The following PPP1R9A variants were observed in gnomAD, a reference collection of about 807,000 sequenced individuals.
PPP1R9A encodes the protein protein phosphatase 1 regulatory subunit 9A.
In PPP1R9A, 59 loss-of-function variants were observed where a neutral mutation model predicts 141.9. The ratio of observed to expected loss-of-function variants is 0.42; its 90% CI spans 0.34 to 0.52. The LOEUF (loss-of-function observed/expected upper bound fraction) is 0.52. PPP1R9A is among the 20% of genes least tolerant of loss of function. PPP1R9A has a pLI of 0.10. For synonymous variants in PPP1R9A, 500 were observed against 569.7 expected (o/e 0.88, Z 1.74); for missense variants, 1,444 against 1,611.9 (o/e 0.90, Z 1.78).
intron 5 of PPP1R9A, among the ~76,000 whole-genome samples, chr7:95,172,522 A>G (rs1185568777): frequency 6.6e-6 from 1 of 151,812 alleles, no homozygotes; most frequent in Non-Finnish European, 1.5e-5. Flanking sequence ...TCAGATTGAA[A>G]ATAACATTGA....
At chr7:95,235,578 G>A (rs1332278879) in intron 8 of PPP1R9A, among the ~76,000 whole-genome samples, 1 of 152,178 alleles carries the variant, frequency 6.6e-6, no homozygotes, top group African/African-American at 2.4e-5. Flanking sequence ...TGGTGGGAAT[G>A]TAAACTAGTA....
Position 95,250,077 on chromosome 7 carries a change from C to T in PPP1R9A, c.2218C>T (p.Leu740Phe), listed in dbSNP as rs770465957. The change falls in exon 10 of 20, where the codon CTC becomes TTC. Residue 740 changes from leucine (L) to phenylalanine (F), a missense_variant. Around this residue, in one of 5 missense-constraint regions of PPP1R9A, gnomAD observed 488 missense variants for 542.0 expected, o/e 0.90. Coordinates refer to ENST00000433360, the MANE Select transcript of PPP1R9A (RefSeq NM_001166160.2). Reference protein sequence around the residue: ...KVRWELEKTQLQQNIEENKER... With the variant: ...KVRWELEKTQFQQNIEENKER... ...GAGGTGGGAACTAGAAAAAACCCAA[C>T]TCCAACAAAACATAGAAGAGAATAA... is the stretch of plus-strand genomic sequence containing the variant. 90 of 1,612,642 alleles carry T rather than the reference C, an allele frequency of 5.6e-5. No individual in the cohort carries two copies. Among genetic ancestry groups the T allele is most frequent in the Non-Finnish European group, 7.5e-5 (89 of 1,179,604 alleles).
At chr7:94,924,167 TGGA>T (rs1388727070) in intron 2 of PPP1R9A, among the ~76,000 whole-genome samples, 1 of 152,202 alleles carries the variant, frequency 6.6e-6, no homozygotes, top group Non-Finnish European at 1.5e-5. Flanking sequence ...AAAAGAAAAT[TGGA>T]GTTCAAGAAA....
chr7:95,274,014 GC>G (rs780122895), intron 15 of PPP1R9A, 28 bp downstream of exon 15: 2 of 1,498,908 alleles, frequency 1.3e-6, no homozygotes, highest in Non-Finnish European at 9.1e-7. Context: ...TAAAAAGAAA[GC>G]CCTCTGTAAA....
At chr7:95,249,108 T>C (rs1274307499) in intron 9 of PPP1R9A, among the ~76,000 whole-genome samples, 1 of 152,128 alleles carries the variant, frequency 6.6e-6, no homozygotes, top group Non-Finnish European at 1.5e-5. Context: ...ATGAGGGTAT[T>C]AGACTAGTTT....
chr7:95,274,059 T>C (rs1233789274), intron 15 of PPP1R9A, 26 bp from the exon 16 acceptor site: 5 of 1,524,812 alleles, frequency 3.3e-6, no homozygotes, highest in African/African-American at 1.4e-5. Flanking sequence ...CAGCTTCCCC[T>C]TTCTGACTGC....
At position 95,229,409 on chromosome 7, in the gene PPP1R9A, G is replaced by A. The variant is rs146574614; in HGVS notation, c.2112+3293G>A. Among the ~76,000 whole-genome samples, 138 of 152,074 alleles carry A rather than the reference G, an allele frequency of 9.1e-4. 1 individual carries two copies. In the East Asian group the frequency reaches 0.022, roughly 24 times the overall value. ...CATAAGCTGCCTGGAAATAGACTTG[G>A]TGCTGTTGTGGAGGGCACGGTGGGA... On this transcript the variant is annotated intron_variant, in intron 8 of 19. Transcript: ENST00000433360.
intron 2 of PPP1R9A, among the ~76,000 whole-genome samples, chr7:94,912,391 A>G (rs1305732317): frequency 6.6e-6 from 1 of 152,172 alleles, no homozygotes; most frequent in Non-Finnish European, 1.5e-5. Flanking sequence ...TTCAAAGTGT[A>G]CTTGCCCACA....
intron 4 of PPP1R9A, among the ~76,000 whole-genome samples, chr7:95,158,750 A>G (rs1830015089): frequency 6.6e-6 from 1 of 152,180 alleles, no homozygotes; most frequent in African/African-American, 2.4e-5. Flanking sequence ...AAGAAAAGTC[A>G]CTCAACCCAA....
rs539866743 is a variant in PPP1R9A at position 95,248,870 on chromosome 7, T to G, written c.2167-1156T>G. Among the ~76,000 whole-genome samples the G allele has an allele frequency of 4.5e-4, 69 of 152,304 alleles. 1 individual carries two copies. In the South Asian group the frequency reaches 0.013, roughly 28 times the overall value. ...TTGTAAACTGTTTTGCAAATGTGTT[T>G]AGTTAAAAATATTTGCAAAAACATA... On this transcript the variant is annotated intron_variant, in intron 9 of 19. Coordinates refer to ENST00000433360, the MANE Select transcript of PPP1R9A (RefSeq NM_001166160.2).
intron 17 of PPP1R9A, among the ~76,000 whole-genome samples, chr7:95,285,963 A>C (rs1563564357): frequency 1.3e-5 from 2 of 152,196 alleles, no homozygotes. Flanking sequence ...ACCCTTGAAG[A>C]GCAATTGAAG....
At chr7:95,039,523 A>C (rs1013767700) in intron 2 of PPP1R9A, among the ~76,000 whole-genome samples, 3 of 151,260 alleles carry the variant, frequency 2.0e-5, no homozygotes, top group Admixed American at 6.6e-5. Context: ...ATGCCACTGT[A>C]CTCCAGCCTG....
At chr7:95,217,179 C>G (rs1046636417) in intron 7 of PPP1R9A, among the ~76,000 whole-genome samples, 1 of 151,938 alleles carries the variant, frequency 6.6e-6, no homozygotes, top group Non-Finnish European at 1.5e-5. Context: ...TAGCATGAAG[C>G]GCTGTTGAAT....
At chr7:95,007,199 G>A (rs979965198) in intron 2 of PPP1R9A, among the ~76,000 whole-genome samples, 7 of 152,142 alleles carry the variant, frequency 4.6e-5, no homozygotes, top group African/African-American at 1.7e-4. Context: ...AATTTTAGGT[G>A]CCTCATTGGA....
intron 2 of PPP1R9A, among the ~76,000 whole-genome samples, chr7:94,999,824 T>TA (rs890983968): frequency 6.6e-6 from 1 of 151,688 alleles, no homozygotes; most frequent in Non-Finnish European, 1.5e-5. Context: ...TTTATTTAGA[T>TA]AGAGTCTCAC....
At chr7:95,251,904 G>C (rs756397085) in intron 11 of PPP1R9A, 46 bp downstream of exon 11, 3 of 1,608,768 alleles carry the variant, frequency 1.9e-6, no homozygotes, top group Non-Finnish European at 2.5e-6. Flanking sequence ...TGGTTTTGCT[G>C]TACTTGGAGG....
intron 7 of PPP1R9A, among the ~76,000 whole-genome samples, chr7:95,211,845 G>A (rs530214573): frequency 1.4e-3 from 209 of 152,164 alleles, no homozygotes; most frequent in African/African-American, 4.3e-3. Flanking sequence ...GTAAAAGCCC[G>A]GCATGGCATT....
rs532980619 is a variant in PPP1R9A, at chr7:95,254,872, C to T, written c.2665+2742C>T. The stretch of plus-strand genomic sequence containing the variant: ...GAAATTTAGCACAAATTTAAAATTA[C>T]GTTTGACCACCATTTGTATGTTTCT... On this transcript the variant is annotated intron_variant, in intron 12 of 19. Coordinates refer to ENST00000433360, the MANE Select transcript of PPP1R9A (RefSeq NM_001166160.2). Among the ~76,000 whole-genome samples, 10 of 152,224 alleles carry T rather than the reference C, an allele frequency of 6.6e-5. No homozygotes were observed. In the East Asian group the frequency reaches 1.9e-3, roughly 29 times the overall value.
intron 2 of PPP1R9A, among the ~76,000 whole-genome samples, chr7:94,963,803 A>G (rs529980783): frequency 6.6e-6 from 1 of 152,286 alleles, no homozygotes; most frequent in South Asian, 2.1e-4. Context: ...ACCAGATAGT[A>G]GAGAATAAGC....
Sources: allele counts gnomAD v4.1 joint callset (sites outside exome capture counted in the v4.1 genomes callset), GRCh38; gene constraint gnomAD v4.1.1; regional missense constraint gnomAD v4.1.1; transcripts MANE v1.5; gene names NCBI Gene and HGNC (gene_info 2026-07-23, HGNC 2026-07-21).